SBF2: variants seen among roughly 807,000 people sequenced by gnomAD.
The protein encoded by SBF2 is myotubularin-related protein 13.
A neutral mutation model predicts 225.2 loss-of-function variants in SBF2; 112 were observed. The observed-to-expected ratio is 0.50, with a 90% CI of 0.43 to 0.58. SBF2 has a LOEUF of 0.58. Among genes scored for constraint, SBF2 ranks in the 20% least tolerant of loss-of-function variants. The probability of loss-of-function intolerance (pLI) is 0.00; values close to 1 mark genes in which losing one functional copy is unlikely to be tolerated. For synonymous variants in SBF2, 763 were observed against 773.3 expected, an observed-to-expected ratio of 0.99 and a Z score of 0.22; for missense variants, 1,996 against 2,206.2, an observed-to-expected ratio of 0.90 and a Z score of 1.91.
Position 9,832,241 on chromosome 11 carries a change from T to C in SBF2, c.3635A>G (p.Gln1212Arg). The C allele has an allele frequency of 6.2e-7, 1 of 1,613,002 alleles. No individual in the cohort carries two copies. The highest frequency in any genetic ancestry group is 8.5e-7 in the Non-Finnish European group (1 of 1,178,950). ...GKGVVGLFKSQNSPQAAPTSS... is the reference protein window; with the variant it reads ...GKGVVGLFKSRNSPQAAPTSS... ...ATGCTTACCGGCCTGAGGGGAGTTCTGAGATTTGAAAAGACCAACGACTCC... is the reference window on the plus strand; with the variant it reads ...ATGCTTACCGGCCTGAGGGGAGTTCCGAGATTTGAAAAGACCAACGACTCC... Residue 1212 changes from glutamine (Q) to arginine (R), a missense_variant, in exon 27 of 40, where the codon CAG becomes CGG. Coordinates refer to ENST00000256190, the MANE Select transcript of SBF2 (RefSeq NM_030962.4).
At chr11:10,042,139 G>GT (rs1302852548) in intron 3 of SBF2, among the ~76,000 whole-genome samples, 5 of 152,194 alleles carry the variant, frequency 3.3e-5, no homozygotes, top group Admixed American at 3.3e-4. Context: ...ACCCAGCATT[G>GT]TAAGTGCCAA....
At chr11:10,280,996 C>T (rs1233210695) in intron 1 of SBF2, among the ~76,000 whole-genome samples, 1 of 152,196 alleles carries the variant, frequency 6.6e-6, no homozygotes, top group Non-Finnish European at 1.5e-5. Context: ...CCACACCTGA[C>T]ACTAAGAAAT....
intron 17 of SBF2, among the ~76,000 whole-genome samples, chr11:9,871,469 G>T (rs1024041907): frequency 3.3e-4 from 20 of 60,430 alleles, no homozygotes; most frequent in African/African-American, 1.0e-3. Flanking sequence ...ACAGGATGAC[G>T]CTTATTATTA....
chr11:10,044,804 C>A (rs376357587), intron 2 of SBF2, among the ~76,000 whole-genome samples: 5 of 152,194 alleles, frequency 3.3e-5, no homozygotes, highest in Admixed American at 6.5e-5. Context: ...CGCTCCCTTG[C>A]GAATTGTGCA....
At chr11:10,017,544 A>G (rs1260520621) in intron 6 of SBF2, among the ~76,000 whole-genome samples, 1 of 152,228 alleles carries the variant, frequency 6.6e-6, no homozygotes, top group Non-Finnish European at 1.5e-5. Context: ...AAAACTTTAT[A>G]TAAAGTTTCA....
At chr11:10,044,848 G>A (rs745817184) in intron 2 of SBF2, among the ~76,000 whole-genome samples, 8 of 152,190 alleles carry the variant, frequency 5.3e-5, no homozygotes, top group Non-Finnish European at 7.3e-5. Flanking sequence ...TCTTGTGATC[G>A]TGGCTGATGC....
At chr11:10,185,902 G>A (rs1047279956) in intron 2 of SBF2, among the ~76,000 whole-genome samples, 2 of 151,964 alleles carry the variant, frequency 1.3e-5, no homozygotes, top group African/African-American at 4.8e-5. Flanking sequence ...CAAATCAGTT[G>A]GTTCTAGATA....
At chr11:10,110,443 A>G (rs991485973) in intron 2 of SBF2, among the ~76,000 whole-genome samples, 1 of 152,192 alleles carries the variant, frequency 6.6e-6, no homozygotes, top group South Asian at 2.1e-4. Flanking sequence ...ATTAAAGAGA[A>G]AAAGTATTCC....
intron 16 of SBF2, among the ~76,000 whole-genome samples, chr11:9,933,042 A>G (rs912731414): frequency 6.6e-6 from 1 of 152,026 alleles, no homozygotes; most frequent in Non-Finnish European, 1.5e-5. Context: ...TAAACCAACA[A>G]AGATCAAAAG....
chr11:9,796,340 C>T (rs1194586922), intron 32 of SBF2, among the ~76,000 whole-genome samples: 2 of 152,144 alleles, frequency 1.3e-5, no homozygotes, highest in Non-Finnish European at 1.5e-5. Context: ...TCCAAAGTCT[C>T]TACCCCACTC....
chr11:9,933,304 T>C (rs892089893), intron 16 of SBF2, among the ~76,000 whole-genome samples: 78 of 152,274 alleles, frequency 5.1e-4, no homozygotes, highest in African/African-American at 1.7e-3. Flanking sequence ...CTGGACCAAG[T>C]GGACCTAATG....
intron 17 of SBF2, among the ~76,000 whole-genome samples, chr11:9,875,223 G>A (rs1007484889): frequency 1.3e-5 from 2 of 152,176 alleles, no homozygotes; most frequent in African/African-American, 2.4e-5. Context: ...GTAAACAGCA[G>A]TAATTATCTG....
chr11:10,252,645 C>T lies in SBF2; in HGVS notation c.55+41370G>A, dbSNP rs542130850. Among the ~76,000 whole-genome samples, 7 of 152,158 alleles carry T rather than the reference C, an allele frequency of 4.6e-5. No individual in the cohort carries two copies. In the East Asian group the frequency reaches 5.8e-4, roughly 13 times the overall value. ...CTAACACGGTGAAACCCCGTTTCTA[C>T]TAAAAATACAAAAAATTAGCCGGGC... On this transcript the variant is annotated intron_variant, in intron 1 of 39. Transcript: ENST00000256190.
At chr11:10,038,734 CTCTT>C (rs1337580664) in intron 3 of SBF2, among the ~76,000 whole-genome samples, 11 of 151,824 alleles carry the variant, frequency 7.2e-5, no homozygotes, top group Admixed American at 7.2e-4. Context: ...CATTCCCTCT[CTCTT>C]TCTTTGATGA....
chr11:10,182,914 T>C (rs1956794193), intron 2 of SBF2, among the ~76,000 whole-genome samples: 1 of 151,882 alleles, frequency 6.6e-6, no homozygotes, highest in Admixed American at 6.6e-5. Context: ...GCTGGGACTA[T>C]AGCACGCGCC....
chr11:9,978,395 G>C (rs1946796126), intron 13 of SBF2, among the ~76,000 whole-genome samples: 1 of 151,952 alleles, frequency 6.6e-6, no homozygotes, highest in Admixed American at 6.6e-5. Flanking sequence ...GATATTAGGA[G>C]AATTACGTAC....
intron 2 of SBF2, among the ~76,000 whole-genome samples, chr11:10,096,135 A>C (rs1952009861): frequency 6.6e-6 from 1 of 152,104 alleles, no homozygotes; most frequent in Admixed American, 6.6e-5. Flanking sequence ...TTCATAAACA[A>C]ATCTCTCCAT....
intron 16 of SBF2, among the ~76,000 whole-genome samples, chr11:9,927,851 A>G (rs1319486950): frequency 6.6e-6 from 1 of 152,220 alleles, no homozygotes; most frequent in Non-Finnish European, 1.5e-5. Context: ...ATTTTTCACA[A>G]AAGTGCAAAG....
At chr11:9,972,439 T>G (rs1946506727) in intron 13 of SBF2, among the ~76,000 whole-genome samples, 1 of 152,206 alleles carries the variant, frequency 6.6e-6, no homozygotes, top group Non-Finnish European at 1.5e-5. Flanking sequence ...ACCAACTACT[T>G]ACATTTTAGT....
Sources: gnomAD v4.1 joint callset for allele counts (sites outside exome capture counted in the v4.1 genomes callset) on GRCh38, gnomAD v4.1.1 for gene constraint, MANE v1.5 for transcripts, NCBI Gene and HGNC (gene_info 2026-07-23, HGNC 2026-07-21) for gene names.